Variants in ITGAE observed in about 807,000 individuals in gnomAD.
The protein encoded by ITGAE is integrin subunit alpha E, also known as integrin alpha-E.
A neutral mutation model predicts 136.5 loss-of-function variants in ITGAE; 99 were observed. The observed-to-expected ratio is 0.73, with a 90% confidence interval of 0.62 to 0.86. The LOEUF is 0.86. ITGAE is among the 40% of genes least tolerant of loss of function. The probability of loss-of-function intolerance (pLI) is 0.00; values close to 1 mark genes in which losing one functional copy is unlikely to be tolerated. For synonymous variants in ITGAE, 613 were observed against 591.8 expected (o/e 1.04, Z -0.52); for missense variants, 1,447 against 1,515.3 (o/e 0.95, Z 0.75).
At chr17:3,725,463 A>G (rs2051188018) in intron 26 of ITGAE, 4 of 1,614,252 alleles carry the variant, frequency 2.5e-6, no homozygotes, top group African/African-American at 1.3e-5. Flanking sequence ...ACCCGTAGCC[A>G]TAAAAATCAT....
intron 20 of ITGAE, among the ~76,000 whole-genome samples, chr17:3,736,944 CAG>C (rs1354316138): frequency 1.3e-5 from 2 of 152,032 alleles, no homozygotes; most frequent in Non-Finnish European, 2.9e-5. Flanking sequence ...AGACAGGAAG[CAG>C]AGACAGAGCC....
chr17:3,715,588 T>A (rs1197938575), intron 30 of ITGAE, among the ~76,000 whole-genome samples: 1 of 152,130 alleles, frequency 6.6e-6, no homozygotes, highest in Non-Finnish European at 1.5e-5. Flanking sequence ...GTCAGGTGCT[T>A]ATGCCTGTAA....
At chr17:3,752,057 G>A (rs2051885559) in intron 14 of ITGAE, among the ~76,000 whole-genome samples, 183 bp from the exon 15 acceptor site, 1 of 149,772 alleles carries the variant, frequency 6.7e-6, no homozygotes, top group Non-Finnish European at 1.5e-5. Flanking sequence ...CTGGGCCGGT[G>A]GGTGCCCACT....
rs750129134 is a variant in ITGAE, at chr17:3,723,752, G to A, written c.3085-8C>T. 2.5e-6 allele frequency: 4 copies of A among 1,606,944 alleles called. No homozygotes were observed. Among genetic ancestry groups the A allele is most frequent in the South Asian group, 1.1e-5 (1 of 90,356 alleles). On this transcript the variant is annotated splice_region_variant and splice_polypyrimidine_tract_variant and intron_variant, in intron 26 of 30. Coordinates refer to ENST00000263087, the MANE Select transcript of ITGAE (RefSeq NM_002208.5). ...GGTGCACACCGTGGAGGCCTGAAAC[G>A]AGAGCCATGACCGCGACGCGCTGAA...
intron 24 of ITGAE, 200 bp from the exon 25 acceptor site, chr17:3,728,368 CTTTTTTT>C (rs569101162): frequency 6.1e-4 from 117 of 191,474 alleles, no homozygotes; most frequent in South Asian, 7.8e-4. Context: ...ACACTCATCC[CTTTTTTT>C]TTTTTTTTTT....
intron 1 of ITGAE, chr17:3,784,208 C>T (rs558243534): frequency 1.7e-5 from 4 of 238,116 alleles, no homozygotes; most frequent in Non-Finnish European, 2.4e-5. Flanking sequence ...TGCAGTGAGC[C>T]GAGATTGCGC....
At position 3,750,234 on chromosome 17, in the gene ITGAE, C is replaced by G. The variant is rs183816836; in HGVS notation, c.2024+118G>C. On this transcript the variant is annotated intron_variant, in intron 16 of 30. Transcript: ENST00000263087. ...AGACGGGCAGACTCCAGAGCCTGTG[C>G]CCACAACCACGGTGCTGGCTCCCTC... 3.6e-4 allele frequency: 504 copies of G among 1,417,342 alleles called. No homozygotes were observed. In the African/African-American group the frequency reaches 5.8e-3, roughly 16 times the overall value. 87.8% of individuals were successfully genotyped at this position (1,417,342 alleles called of 1,614,324 possible).
At position 3,716,685 on chromosome 17, in the gene ITGAE, G is replaced by A. The variant is rs756522123; in HGVS notation, c.3444+3C>T. Reference sequence around the variant, plus strand: ...TCACTGTGATGCCATGAGTAGAACTGACCTTGAACAGGATGACCAGAATCA... The same window carrying A: ...TCACTGTGATGCCATGAGTAGAACTAACCTTGAACAGGATGACCAGAATCA... On this transcript the variant is annotated splice_donor_region_variant and intron_variant, in intron 30 of 30. Transcript: ENST00000263087. 6 of 1,550,330 alleles carry A rather than the reference G, an allele frequency of 3.9e-6. No individual in the cohort carries two copies. Among genetic ancestry groups the A allele is most frequent in the Non-Finnish European group, 5.3e-6 (6 of 1,122,124 alleles).
At chr17:3,737,487 G>A (rs2051485465) in intron 20 of ITGAE, among the ~76,000 whole-genome samples, 1 of 152,134 alleles carries the variant, frequency 6.6e-6, no homozygotes, top group African/African-American at 2.4e-5. Context: ...GCCATTGACT[G>A]AGGGAGGTAA....
chr17:3,752,677 G>C (rs952228580), intron 14 of ITGAE, among the ~76,000 whole-genome samples: 2 of 148,652 alleles, frequency 1.3e-5, no homozygotes, highest in African/African-American at 5.0e-5. Context: ...AATCAACCCA[G>C]GAGGTAGAGG....
intron 15 of ITGAE, 62 bp from the exon 16 acceptor site, chr17:3,750,544 C>T: frequency 6.3e-7 from 1 of 1,590,336 alleles, no homozygotes; most frequent in Non-Finnish European, 8.6e-7. Flanking sequence ...GCGGGGAGTC[C>T]TTTCATGATC....
At chr17:3,768,223 C>G (rs979218476) in intron 2 of ITGAE, among the ~76,000 whole-genome samples, 3 of 152,134 alleles carry the variant, frequency 2.0e-5, no homozygotes, top group Admixed American at 6.5e-5. Context: ...CTCCCAGGCT[C>G]AAGCGATCCT....
At chr17:3,794,328 C>T (rs1310287056) in intron 1 of ITGAE, among the ~76,000 whole-genome samples, 1 of 151,760 alleles carries the variant, frequency 6.6e-6, no homozygotes, top group Non-Finnish European at 1.5e-5. Flanking sequence ...CTATGTTGTC[C>T]AGGCTGGACT....
At chr17:3,743,357 T>C in intron 19 of ITGAE, 132 bp downstream of exon 19, 3 of 1,019,252 alleles carry the variant, frequency 2.9e-6, no homozygotes, top group Non-Finnish European at 4.3e-6. Context: ...TCACCATGAG[T>C]ACGGTGAGGG....
chr17:3,762,226 C>T (rs1249967603), intron 3 of ITGAE, among the ~76,000 whole-genome samples: 1 of 152,246 alleles, frequency 6.6e-6, no homozygotes, highest in Non-Finnish European at 1.5e-5. Flanking sequence ...TTGACGTCTG[C>T]TCTGTGCCCA....
chr17:3,718,743 G>A (rs1412245705), intron 29 of ITGAE, among the ~76,000 whole-genome samples: 1 of 152,156 alleles, frequency 6.6e-6, no homozygotes, highest in African/African-American at 2.4e-5. Flanking sequence ...AAACTTAATA[G>A]TAACTCCTCC....
At chr17:3,787,912 C>T (rs1199791153) in intron 1 of ITGAE, among the ~76,000 whole-genome samples, 1 of 152,122 alleles carries the variant, frequency 6.6e-6, no homozygotes, top group Non-Finnish European at 1.5e-5. Flanking sequence ...TGCTCTCGAA[C>T]TCCTGACCTC....
intron 26 of ITGAE, chr17:3,724,153 G>A (rs2051144272): frequency 6.3e-7 from 1 of 1,594,542 alleles, no homozygotes; most frequent in East Asian, 2.2e-5. Context: ...GACTTCCCCG[G>A]CAGCCCGGTG....
At chr17:3,797,729 G>C (rs2053156498) in intron 1 of ITGAE, among the ~76,000 whole-genome samples, 1 of 152,114 alleles carries the variant, frequency 6.6e-6, no homozygotes, top group Non-Finnish European at 1.5e-5. Flanking sequence ...CCATAGTGCT[G>C]GGATTTCAGG....
Sources: allele counts gnomAD v4.1 joint callset (sites outside exome capture counted in the v4.1 genomes callset), GRCh38; gene constraint gnomAD v4.1.1; transcripts MANE v1.5; gene names NCBI Gene and HGNC (gene_info 2026-07-23, HGNC 2026-07-21).